DDI2: variants seen among roughly 807,000 people sequenced by gnomAD.
The protein encoded by DDI2 is DDI proteasomal shuttling factor 2.
Under a neutral mutation model 48.1 loss-of-function variants are expected in DDI2, and 5 were observed. The observed-to-expected ratio is 0.10, with a 90% CI of 0.05 to 0.22. The LOEUF is 0.22. Among genes scored for constraint, DDI2 ranks in the 10% least tolerant of loss-of-function variants. DDI2 has a pLI of 1.00. For missense variants in DDI2, 285 were observed against 506.2 expected, an observed-to-expected ratio of 0.56 and a Z score of 4.19; for synonymous variants, 205 against 183.6, an observed-to-expected ratio of 1.12 and a Z score of -0.94.
intron 4 of DDI2, among the ~76,000 whole-genome samples, chr1:15,637,753 T>C (rs1281527083): frequency 6.6e-6 from 1 of 152,158 alleles, no homozygotes; most frequent in Non-Finnish European, 1.5e-5. Context: ...TGCAATTTTT[T>C]TGTAGCATAA....
At chr1:15,620,552 A>G (rs913666645) in intron 1 of DDI2, among the ~76,000 whole-genome samples, 1 of 150,954 alleles carries the variant, frequency 6.6e-6, no homozygotes, top group East Asian at 1.9e-4. Flanking sequence ...TTCTGATTCC[A>G]TTTCTTCAAG....
rs1640450081 is a variant in DDI2, at chr1:15,666,135, T to G, written c.*6345T>G. 6.6e-6 allele frequency: 1 copy of G among 152,252 alleles called. No individual in the cohort carries two copies. Among genetic ancestry groups the G allele is most frequent in the African/African-American group, 2.4e-5 (1 of 41,474 alleles). The allele number at this position is 152,252 out of a possible 1,614,324, so 9.4% of individuals were successfully genotyped here. A position where few individuals can be genotyped will look rare whatever the true frequency, so the allele number is the denominator to read the frequency against. On this transcript the variant is annotated 3_prime_UTR_variant, in exon 10 of 10. Coordinates refer to ENST00000480945, the MANE Select transcript of DDI2 (RefSeq NM_032341.5). ...TTAACAACAAATTAAATTCAAAGCCTGTCCTTGAGAACTGGAAATGTAAAA... is the reference window on the plus strand; with the variant it reads ...TTAACAACAAATTAAATTCAAAGCCGGTCCTTGAGAACTGGAAATGTAAAA...
intron 3 of DDI2, among the ~76,000 whole-genome samples, chr1:15,632,278 T>G (rs1381362909): frequency 1.3e-5 from 2 of 152,060 alleles, no homozygotes; most frequent in African/African-American, 4.8e-5. Context: ...TACCACCATT[T>G]AAGAAATTGC....
At chr1:15,651,008 C>T (rs1032906610) in intron 7 of DDI2, among the ~76,000 whole-genome samples, 1 of 152,218 alleles carries the variant, frequency 6.6e-6, no homozygotes, top group African/African-American at 2.4e-5. Context: ...GCACCCATCA[C>T]CACGCCCGGC....
intron 9 of DDI2, 189 bp downstream of exon 9, chr1:15,656,868 T>A: frequency 4.2e-6 from 3 of 706,528 alleles, no homozygotes; most frequent in Non-Finnish European, 6.6e-6. Flanking sequence ...AACTCCTGTT[T>A]AAAAATGGAT....
In DDI2 at chr1:15,663,924, T is replaced by A. The variant is rs1640415512; in HGVS notation, c.*4134T>A. The A allele has an allele frequency of 6.6e-6, 1 of 152,172 alleles. No individual in the cohort carries two copies. 9.4% of individuals were successfully genotyped at this position (152,172 alleles called of 1,614,324 possible). On this transcript the variant is annotated 3_prime_UTR_variant, in exon 10 of 10. Transcript: ENST00000480945. ...ACAGTTCCAAGTGGAATATATAATA[T>A]CAGTCGGGAAAAGATTTCATTAGGA...
At chr1:15,658,790 G>A (rs1640314003) in intron 9 of DDI2, among the ~76,000 whole-genome samples, 1 of 151,702 alleles carries the variant, frequency 6.6e-6, no homozygotes, top group South Asian at 2.1e-4. Flanking sequence ...TACATGCGTA[G>A]AGGTCAATTT....
At position 15,661,774 on chromosome 1, in the gene DDI2, C is replaced by G; in HGVS notation, c.*1984C>G. 6.5e-7 allele frequency: 1 copy of G among 1,539,010 alleles called. No individual in the cohort carries two copies. Reference sequence around the variant, plus strand: ...TCCATTCCCTTTAAACAAAAGAAAGCTCTCTCTATATACACGCACACATAC... The same window carrying G: ...TCCATTCCCTTTAAACAAAAGAAAGGTCTCTCTATATACACGCACACATAC... On this transcript the variant is annotated 3_prime_UTR_variant, in exon 10 of 10. Coordinates refer to ENST00000480945, the MANE Select transcript of DDI2 (RefSeq NM_032341.5).
At chr1:15,635,474 C>T (rs986444263) in intron 4 of DDI2, among the ~76,000 whole-genome samples, 2 of 152,132 alleles carry the variant, frequency 1.3e-5, no homozygotes, top group African/African-American at 2.4e-5. Flanking sequence ...GGCACGATCT[C>T]GGCTCATTGC....
In DDI2 at chr1:15,643,802, A is replaced by G. The variant is rs904066221; in HGVS notation, c.889+152A>G. ...TGGGTATGTCTGAGCTAGCAAGCCT[A>G]ATTTCTAGAAGTTTTAAATCCTGTG... On this transcript the variant is annotated intron_variant, in intron 6 of 9. Coordinates refer to ENST00000480945, the MANE Select transcript of DDI2 (RefSeq NM_032341.5). 76 of 1,175,832 alleles carry G rather than the reference A, an allele frequency of 6.5e-5. No individual in the cohort carries two copies. In the South Asian group the frequency reaches 9.8e-4, roughly 15 times the overall value. The allele number at this position is 1,175,832 out of a possible 1,614,324, so 72.8% of individuals were successfully genotyped here.
At chr1:15,649,945 A>T in intron 7 of DDI2, 122 bp downstream of exon 7, 1 of 905,164 alleles carries the variant, frequency 1.1e-6, no homozygotes, top group Non-Finnish European at 1.6e-6. Flanking sequence ...AAACCTGGAA[A>T]TGTCCTTAAA....
At chr1:15,631,159 C>T (rs1224939740) in intron 3 of DDI2, among the ~76,000 whole-genome samples, 1 of 151,840 alleles carries the variant, frequency 6.6e-6, no homozygotes, top group Non-Finnish European at 1.5e-5. Flanking sequence ...GATATTTTAA[C>T]CTTAGTTAGA....
intron 5 of DDI2, among the ~76,000 whole-genome samples, chr1:15,639,875 GT>G (rs1198496496): frequency 3.3e-5 from 5 of 152,092 alleles, no homozygotes; most frequent in African/African-American, 9.7e-5. Context: ...GGGTGTGGTG[GT>G]GCGTACCTAT....
chr1:15,659,886 T>C lies in DDI2; in HGVS notation c.*96T>C. 6.3e-7 allele frequency: 1 copy of C among 1,587,426 alleles called. No homozygotes were observed. The highest frequency in any genetic ancestry group is 8.5e-7 in the Non-Finnish European group (1 of 1,170,012). ...CACTGGGAATGTCATCATTACCAAC[T>C]TCAGATGGGTTTAACCATCCCGCCC... On this transcript the variant is annotated 3_prime_UTR_variant, in exon 10 of 10. Transcript: ENST00000480945.
At chr1:15,641,952 TCTCAA>T in intron 5 of DDI2, among the ~76,000 whole-genome samples, 1 of 86,496 alleles carries the variant, frequency 1.2e-5, no homozygotes, top group African/African-American at 7.3e-5. Context: ...TGAAATTCAG[TCTCAA>T]AAAAAAAAAA....
rs200264420 is a variant in DDI2, at chr1:15,661,253, A to G, written c.*1463A>G. 6.2e-7 allele frequency: 1 copy of G among 1,614,188 alleles called. No homozygotes were observed. The highest frequency in any genetic ancestry group is 8.5e-7 in the Non-Finnish European group (1 of 1,180,022). On this transcript the variant is annotated 3_prime_UTR_variant, in exon 10 of 10. Coordinates refer to ENST00000480945, the MANE Select transcript of DDI2 (RefSeq NM_032341.5). The stretch of plus-strand genomic sequence containing the variant: ...TCAACCGATAAGGAAGGTGTCCCCA[A>G]ATCTAGGGAATCCATAAATAAGAAC...
Position 15,656,665 on chromosome 1 carries a change from T to A in DDI2, c.*32T>A. The A allele has an allele frequency of 6.2e-7, 1 of 1,613,970 alleles. No homozygotes were observed. The highest frequency in any genetic ancestry group is 2.2e-5 in the East Asian group (1 of 44,858). On this transcript the variant is annotated 3_prime_UTR_variant, in exon 9 of 10. Transcript: ENST00000480945. Reference sequence around the variant, plus strand: ...TAGTGTGTGTGTACTGCAGCTGGAGTGGGCCCCAGACCAGGTATTTATAGA... The same window carrying A: ...TAGTGTGTGTGTACTGCAGCTGGAGAGGGCCCCAGACCAGGTATTTATAGA...
chr1:15,650,225 G>GT (rs1458210920), intron 7 of DDI2, among the ~76,000 whole-genome samples: 1 of 152,188 alleles, frequency 6.6e-6, no homozygotes, highest in Non-Finnish European at 1.5e-5. Context: ...GTTAAGGAAG[G>GT]TATATGTTGG....
chr1:15,645,137 G>T (rs1054324703), intron 6 of DDI2, among the ~76,000 whole-genome samples: 1 of 151,096 alleles, frequency 6.6e-6, no homozygotes, highest in African/African-American at 2.4e-5. Context: ...CAAGTGATCC[G>T]CCCACGAGGC....
Sources: gnomAD v4.1 joint callset for allele counts (sites outside exome capture counted in the v4.1 genomes callset) on GRCh38, gnomAD v4.1.1 for gene constraint, MANE v1.5 for transcripts, NCBI Gene and HGNC (gene_info 2026-07-23, HGNC 2026-07-21) for gene names.